The following ANKS1B variants were observed in gnomAD, a reference collection of about 807,000 sequenced individuals.
The protein encoded by ANKS1B is ankyrin repeat and sterile alpha motif domain containing 1B, also known as ankyrin repeat and sterile alpha motif domain-containing protein 1B.
In ANKS1B, 36 loss-of-function variants were observed where a neutral mutation model predicts 148.3. The observed-to-expected ratio is 0.24, with a 90% confidence interval of 0.19 to 0.32. The LOEUF (loss-of-function observed/expected upper bound fraction) is 0.32. Ranked by LOEUF, ANKS1B falls within the 10% of genes least tolerant of loss-of-function variation. ANKS1B has a pLI of 1.00. For missense variants in ANKS1B, 1,157 were observed against 1,542.6 expected (o/e 0.75, Z 4.19); for synonymous variants, 542 against 560.8 (o/e 0.97, Z 0.47).
At chr12:99,883,057 G>C (rs1352448) in intron 1 of ANKS1B, among the ~76,000 whole-genome samples, 25,861 of 152,218 alleles carry the variant, frequency 0.17, 2,739 homozygotes, top group Non-Finnish European at 0.24. Context: ...ATATGCAAAT[G>C]TGGAACATCA....
chr12:98,883,114 A>G (rs1387321356), intron 17 of ANKS1B, among the ~76,000 whole-genome samples: 3 of 152,214 alleles, frequency 2.0e-5, no homozygotes, highest in Non-Finnish European at 4.4e-5. Flanking sequence ...AACTGTTCTG[A>G]GTAATTAGTT....
At chr12:99,628,984 G>A (rs976963179) in intron 9 of ANKS1B, among the ~76,000 whole-genome samples, 2 of 152,060 alleles carry the variant, frequency 1.3e-5, no homozygotes, top group Non-Finnish European at 2.9e-5. Context: ...TATTTATTTT[G>A]TAGACCTGAG....
At chr12:99,794,099 T>G (rs184839857) in intron 4 of ANKS1B, among the ~76,000 whole-genome samples, 1 of 152,046 alleles carries the variant, frequency 6.6e-6, no homozygotes, top group Non-Finnish European at 1.5e-5. Context: ...ATCGGAGAAA[T>G]GCAAATCAAA....
At chr12:99,019,993 G>C (rs1484699418) in intron 17 of ANKS1B, among the ~76,000 whole-genome samples, 1 of 151,972 alleles carries the variant, frequency 6.6e-6, no homozygotes, top group Non-Finnish European at 1.5e-5. Context: ...AAACTATTTT[G>C]CTGATATAAT....
intron 1 of ANKS1B, among the ~76,000 whole-genome samples, chr12:99,857,328 C>A (rs1368018593): frequency 6.6e-6 from 1 of 151,984 alleles, no homozygotes; most frequent in Non-Finnish European, 1.5e-5. Flanking sequence ...ATATATCTAA[C>A]CAAGGAGGTG....
chr12:99,467,898 A>G lies in ANKS1B; in HGVS notation c.1439-24089T>C, dbSNP rs536621385. On this transcript the variant is annotated intron_variant, in intron 10 of 26. Coordinates refer to ENST00000683438, the MANE Select transcript of ANKS1B (RefSeq NM_001352186.2). Reference sequence around the variant, plus strand: ...TTATAGATTCAATGCCATCCCCATCAAGCTACCAATGACTTTCTTCACATA... The same window carrying G: ...TTATAGATTCAATGCCATCCCCATCGAGCTACCAATGACTTTCTTCACATA... Among the ~76,000 whole-genome samples, 228 of 152,344 alleles carry G rather than the reference A, an allele frequency of 1.5e-3. 3 individuals carry two copies. The highest frequency in any genetic ancestry group is 7.1e-4 in the Non-Finnish European group (48 of 68,022).
chr12:99,514,813 G>A (rs1432095425), intron 9 of ANKS1B, among the ~76,000 whole-genome samples: 1 of 151,972 alleles, frequency 6.6e-6, no homozygotes, highest in Non-Finnish European at 1.5e-5. Context: ...ACTGGGAAAC[G>A]TTGACCTCAA....
chr12:99,144,091 C>T (rs1336566388), intron 15 of ANKS1B, among the ~76,000 whole-genome samples: 2 of 152,038 alleles, frequency 1.3e-5, no homozygotes, highest in Non-Finnish European at 2.9e-5. Context: ...AATCATATAA[C>T]AAGTTCTTGA....
At chr12:99,368,311 C>A (rs945074811) in intron 12 of ANKS1B, among the ~76,000 whole-genome samples, 6 of 152,018 alleles carry the variant, frequency 3.9e-5, no homozygotes, top group Non-Finnish European at 8.8e-5. Context: ...TCAATCATAT[C>A]CCAATCCTGA....
intron 2 of ANKS1B, among the ~76,000 whole-genome samples, chr12:99,820,301 A>C (rs1283738020): frequency 6.6e-6 from 1 of 151,998 alleles, no homozygotes; most frequent in East Asian, 1.9e-4. Flanking sequence ...TAGCATTGAT[A>C]AACAATGGCT....
intron 1 of ANKS1B, among the ~76,000 whole-genome samples, chr12:99,908,695 C>T (rs11110120): frequency 0.33 from 50,656 of 152,032 alleles, 8,999 homozygotes; most frequent in African/African-American, 0.43. Context: ...TCCTAGTTTC[C>T]CTAATATACA....
At chr12:99,658,729 G>A (rs931269702) in intron 8 of ANKS1B, among the ~76,000 whole-genome samples, 1 of 152,066 alleles carries the variant, frequency 6.6e-6, no homozygotes, top group African/African-American at 2.4e-5. Context: ...AGGGCTGTAT[G>A]AAGATCAAAT....
chr12:99,980,052 C>T (rs1337376867), intron 1 of ANKS1B, among the ~76,000 whole-genome samples: 1 of 151,154 alleles, frequency 6.6e-6, no homozygotes, highest in Non-Finnish European at 1.5e-5. Context: ...AGAGAAATTA[C>T]AAATACAACA....
At chr12:98,871,584 A>G (rs565329682) in intron 17 of ANKS1B, among the ~76,000 whole-genome samples, 1 of 152,330 alleles carries the variant, frequency 6.6e-6, no homozygotes, top group South Asian at 2.1e-4. Flanking sequence ...ATACTAGAAA[A>G]ATTACTAATG....
At chr12:99,272,240 G>C (rs879409448) in intron 12 of ANKS1B, among the ~76,000 whole-genome samples, 2 of 152,058 alleles carry the variant, frequency 1.3e-5, no homozygotes, top group African/African-American at 2.4e-5. Flanking sequence ...AACTGTTGTC[G>C]AGCTTCAGAG....
At chr12:98,814,646 C>T (rs1042003348) in intron 19 of ANKS1B, among the ~76,000 whole-genome samples, 1 of 152,176 alleles carries the variant, frequency 6.6e-6, no homozygotes, top group Non-Finnish European at 1.5e-5. Context: ...AGCTTAGAAA[C>T]AGTTCCATGA....
chr12:99,053,199 C>G lies in ANKS1B; in HGVS notation c.2736G>C (p.Ser912=). The change falls in exon 17 of 27, where the codon TCG becomes TCC. Residue 912 remains serine, a synonymous_variant. Coordinates refer to ENST00000683438, the MANE Select transcript of ANKS1B (RefSeq NM_001352186.2). The stretch of plus-strand genomic sequence containing the variant: ...CCCAGATTTTTTTCAACAGGTCCAT[C>G]GAAGTGTAGCCATTAATTAGAAAGG... The part of the protein sequence containing the change: ...TKAFLINGYT[S]MDLLKKIWEV... 6.2e-7 allele frequency: 1 copy of G among 1,608,998 alleles called. No individual in the cohort carries two copies. The highest frequency in any genetic ancestry group is 8.5e-7 in the Non-Finnish European group (1 of 1,177,616).
chr12:98,760,759 C>A (rs529201235), intron 25 of ANKS1B, among the ~76,000 whole-genome samples: 2 of 152,182 alleles, frequency 1.3e-5, no homozygotes, highest in African/African-American at 4.8e-5. Context: ...ACTCCAAGTG[C>A]GGAATTGACC....
At chr12:99,033,628 C>T (rs907000080) in intron 17 of ANKS1B, among the ~76,000 whole-genome samples, 1 of 151,726 alleles carries the variant, frequency 6.6e-6, no homozygotes, top group Non-Finnish European at 1.5e-5. Context: ...CGCACCACTG[C>T]ACTCCAGCCT....
Sources: gnomAD v4.1 joint callset for allele counts (sites outside exome capture counted in the v4.1 genomes callset) on GRCh38, gnomAD v4.1.1 for gene constraint, MANE v1.5 for transcripts, NCBI Gene and HGNC (gene_info 2026-07-23, HGNC 2026-07-21) for gene names.